FBXW7: variants seen among roughly 807,000 people sequenced by gnomAD.
The protein encoded by FBXW7 is F-box/WD repeat-containing protein 7.
A neutral mutation model predicts 86.3 loss-of-function variants in FBXW7; 11 were observed. The ratio of observed to expected loss-of-function variants is 0.13; its 90% CI spans 0.08 to 0.21. FBXW7 has a LOEUF of 0.21. Ranked by LOEUF, FBXW7 falls within the 10% of genes least tolerant of loss-of-function variation. The pLI is 1.00. For missense variants in FBXW7, 488 were observed against 847.4 expected (o/e 0.58, Z 5.27); for synonymous variants, 313 against 297.9 (o/e 1.05, Z -0.52).
chr4:152,338,706 T>A (rs1422720505), intron 6 of FBXW7, among the ~76,000 whole-genome samples: 1 of 152,090 alleles, frequency 6.6e-6, no homozygotes, highest in African/African-American at 2.4e-5. Context: ...AAAGCCATGG[T>A]TCTTAAAAGG....
At chr4:152,517,264 TG>T (rs200388698) in intron 2 of FBXW7, among the ~76,000 whole-genome samples, 2,083 of 152,282 alleles carry the variant, frequency 0.014, 25 homozygotes, top group Middle Eastern at 0.037. Flanking sequence ...GCCACATTAT[TG>T]GAGGCAATCA....
At chr4:152,514,433 T>G (rs1487144106) in intron 2 of FBXW7, among the ~76,000 whole-genome samples, 1 of 152,192 alleles carries the variant, frequency 6.6e-6, no homozygotes, top group Non-Finnish European at 1.5e-5. Flanking sequence ...CAAGAAATTC[T>G]GAGATTCTCA....
intron 2 of FBXW7, among the ~76,000 whole-genome samples, chr4:152,511,493 T>C (rs908825827): frequency 6.6e-5 from 10 of 152,146 alleles, no homozygotes; most frequent in Admixed American, 2.0e-4. Context: ...GGTGGATATA[T>C]CTTTTGATTC....
At chr4:152,466,756 C>A (rs551430077) in intron 2 of FBXW7, among the ~76,000 whole-genome samples, 1 of 152,052 alleles carries the variant, frequency 6.6e-6, no homozygotes, top group Admixed American at 6.5e-5. Flanking sequence ...TCCTGGCTAA[C>A]ATGGTGACAT....
intron 2 of FBXW7, among the ~76,000 whole-genome samples, chr4:152,413,710 T>C (rs1738182521): frequency 6.6e-6 from 1 of 152,154 alleles, no homozygotes; most frequent in Admixed American, 6.6e-5. Flanking sequence ...GAGCATTCAA[T>C]ATGCTTCCTG....
intron 4 of FBXW7, among the ~76,000 whole-genome samples, chr4:152,400,124 T>C (rs1345058576): frequency 6.6e-6 from 1 of 152,106 alleles, no homozygotes; most frequent in African/African-American, 2.4e-5. Flanking sequence ...TGGAACAGAA[T>C]AGAGAGACCA....
At chr4:152,464,333 G>A (rs756592424) in intron 2 of FBXW7, among the ~76,000 whole-genome samples, 4 of 152,086 alleles carry the variant, frequency 2.6e-5, no homozygotes, top group Non-Finnish European at 4.4e-5. Flanking sequence ...AAAAATAGTA[G>A]AGGAAAGAAG....
intron 2 of FBXW7, among the ~76,000 whole-genome samples, chr4:152,482,816 A>AT (rs1238759251): frequency 6.6e-6 from 1 of 152,174 alleles, no homozygotes; most frequent in Non-Finnish European, 1.5e-5. Flanking sequence ...ACAGTGATAT[A>AT]TTTTAGTTCC....
At chr4:152,392,782 T>C (rs935843245) in intron 4 of FBXW7, among the ~76,000 whole-genome samples, 1 of 152,168 alleles carries the variant, frequency 6.6e-6, no homozygotes, top group African/African-American at 2.4e-5. Context: ...CAACAGGTGA[T>C]TCAAAATGAA....
intron 2 of FBXW7, among the ~76,000 whole-genome samples, chr4:152,478,497 T>G (rs912871524): frequency 6.6e-6 from 1 of 152,148 alleles, no homozygotes; most frequent in Non-Finnish European, 1.5e-5. Context: ...CATCTTTTAT[T>G]TAGTATGAGT....
At chr4:152,525,863 T>C (rs1452859916) in intron 2 of FBXW7, among the ~76,000 whole-genome samples, 1 of 152,216 alleles carries the variant, frequency 6.6e-6, no homozygotes, top group East Asian at 1.9e-4. Flanking sequence ...TGCTGTTAGC[T>C]CTTTAAGGAA....
chr4:152,339,626 G>A (rs554628249), intron 6 of FBXW7, among the ~76,000 whole-genome samples: 1 of 152,244 alleles, frequency 6.6e-6, no homozygotes, highest in African/African-American at 2.4e-5. Flanking sequence ...TGGAGTGATG[G>A]ATAACTATGC....
intron 2 of FBXW7, among the ~76,000 whole-genome samples, chr4:152,501,505 G>A (rs1464703534): frequency 6.6e-6 from 1 of 152,182 alleles, no homozygotes; most frequent in African/African-American, 2.4e-5. Context: ...AAAGGTTGGT[G>A]CTTTAATAAC....
intron 2 of FBXW7, among the ~76,000 whole-genome samples, chr4:152,520,870 G>A (rs1484442209): frequency 6.6e-6 from 1 of 152,126 alleles, no homozygotes; most frequent in Non-Finnish European, 1.5e-5. Context: ...TAGAAATGCA[G>A]AAGAAAAAAG....
chr4:152,519,215 G>A (rs1748782124), intron 2 of FBXW7, among the ~76,000 whole-genome samples: 2 of 152,184 alleles, frequency 1.3e-5, no homozygotes, highest in East Asian at 3.9e-4. Context: ...GGAGAATGGC[G>A]TGAATCCGGG....
At position 152,466,052 on chromosome 4, in the gene FBXW7, A is replaced by G. The variant is rs750869609; in HGVS notation, c.-119-53523T>C. On this transcript the variant is annotated intron_variant, in intron 2 of 13. Coordinates refer to ENST00000281708, the MANE Select transcript of FBXW7 (RefSeq NM_001349798.2). ...GGTAAGAATAGTCAATTCCCCTAAT[A>G]AAAACACATCTAGCGCATTTATATT... Among the ~76,000 whole-genome samples the G allele has an allele frequency of 7.9e-5, 12 of 152,306 alleles. No homozygotes were observed. The South Asian group carries it at 8.3e-4, about 11-fold the overall frequency.
At chr4:152,369,622 T>A (rs79447847) in intron 4 of FBXW7, among the ~76,000 whole-genome samples, 2,078 of 152,110 alleles carry the variant, frequency 0.014, 26 homozygotes, top group Middle Eastern at 0.037. Context: ...AATTAAAGAA[T>A]CTTAAAAATA....
chr4:152,398,746 T>C (rs1335263590), intron 4 of FBXW7, among the ~76,000 whole-genome samples: 1 of 152,016 alleles, frequency 6.6e-6, no homozygotes, highest in Non-Finnish European at 1.5e-5. Context: ...AAAATAGAGA[T>C]TAATTAAATA....
At chr4:152,380,551 G>A (rs1418111773) in intron 4 of FBXW7, among the ~76,000 whole-genome samples, 1 of 151,586 alleles carries the variant, frequency 6.6e-6, no homozygotes, top group Non-Finnish European at 1.5e-5. Flanking sequence ...ACATAACACA[G>A]TAACCTAGAA....
Sources: gnomAD v4.1 joint callset for allele counts (sites outside exome capture counted in the v4.1 genomes callset) on GRCh38, gnomAD v4.1.1 for gene constraint, MANE v1.5 for transcripts, NCBI Gene and HGNC (gene_info 2026-07-23, HGNC 2026-07-21) for gene names.